KIAA1217: variants seen among roughly 807,000 people sequenced by gnomAD.
The protein encoded by KIAA1217 is KIAA1217, also known as sickle tail protein homolog.
Under a neutral mutation model 163.9 loss-of-function variants are expected in KIAA1217, and 88 were observed. The observed-to-expected ratio is 0.54, with a 90% CI of 0.45 to 0.64. The LOEUF (loss-of-function observed/expected upper bound fraction) is 0.64. KIAA1217 is among the 30% of genes least tolerant of loss of function. The probability of loss-of-function intolerance (pLI) is 0.00; values close to 1 mark genes in which losing one functional copy is unlikely to be tolerated. For synonymous variants in KIAA1217, 903 were observed against 923.1 expected (o/e 0.98, Z 0.39); for missense variants, 2,372 against 2,475.0 (o/e 0.96, Z 0.88).
At chr10:24,381,127 C>A in intron 3 of KIAA1217, 60 bp downstream of exon 3, 1 of 1,234,774 alleles carries the variant, frequency 8.1e-7, no homozygotes. Flanking sequence ...TGTTGTTATA[C>A]TACTGAACCT....
At chr10:23,890,482 A>G (rs1841370913) in intron 1 of KIAA1217, among the ~76,000 whole-genome samples, 2 of 151,890 alleles carry the variant, frequency 1.3e-5, no homozygotes, top group South Asian at 4.1e-4. Flanking sequence ...TTTCTCATTC[A>G]TCTTTGACTC....
chr10:23,816,925 AG>A (rs1378698919), intron 1 of KIAA1217, among the ~76,000 whole-genome samples: 1 of 152,214 alleles, frequency 6.6e-6, no homozygotes, highest in African/African-American at 2.4e-5. Context: ...AGTGGAAAAA[AG>A]GATGACTCTG....
chr10:24,232,317 T>C (rs1282723771), intron 2 of KIAA1217, among the ~76,000 whole-genome samples: 1 of 152,168 alleles, frequency 6.6e-6, no homozygotes, highest in Non-Finnish European at 1.5e-5. Context: ...TCATAACACA[T>C]CGCTTTTGAT....
chr10:24,269,956 C>T (rs751734399), intron 2 of KIAA1217, among the ~76,000 whole-genome samples: 3 of 152,058 alleles, frequency 2.0e-5, no homozygotes, highest in South Asian at 2.1e-4. Context: ...CCACTACCAT[C>T]ATCTGCAGCA....
At chr10:24,075,526 TA>T (rs1564670224) in intron 2 of KIAA1217, among the ~76,000 whole-genome samples, 1 of 152,190 alleles carries the variant, frequency 6.6e-6, no homozygotes, top group African/African-American at 2.4e-5. Flanking sequence ...CTGATCATTT[TA>T]TGTTTATATC....
At chr10:24,148,505 T>G (rs932553023) in intron 2 of KIAA1217, among the ~76,000 whole-genome samples, 1 of 152,180 alleles carries the variant, frequency 6.6e-6, no homozygotes, top group African/African-American at 2.4e-5. Flanking sequence ...CATGAATAGT[T>G]TGGCGCTATT....
intron 2 of KIAA1217, among the ~76,000 whole-genome samples, chr10:24,112,424 T>C (rs1178719986): frequency 1.3e-5 from 2 of 152,160 alleles, no homozygotes; most frequent in African/African-American, 4.8e-5. Context: ...TATAGCCTGG[T>C]GTCGTGGACT....
intron 9 of KIAA1217, among the ~76,000 whole-genome samples, chr10:24,503,523 G>A (rs2067940692): frequency 6.6e-6 from 1 of 152,182 alleles, no homozygotes; most frequent in African/African-American, 2.4e-5. Context: ...ATGGAGGAGA[G>A]ACCACAGTAA....
At chr10:24,421,839 T>G (rs1436378100) in intron 3 of KIAA1217, among the ~76,000 whole-genome samples, 3 of 152,226 alleles carry the variant, frequency 2.0e-5, no homozygotes, top group South Asian at 2.1e-4. Flanking sequence ...CATGATGTGT[T>G]TGTTCATATA....
In KIAA1217 at chr10:24,083,600, G is replaced by C. The variant is rs373915574; in HGVS notation, c.-171+76226G>C. Among the ~76,000 whole-genome samples the C allele has an allele frequency of 1.2e-4, 19 of 152,290 alleles. No homozygotes were observed. In the East Asian group the frequency reaches 2.9e-3, roughly 23 times the overall value. On this transcript the variant is annotated intron_variant, in intron 2 of 18. Transcript: ENST00000376462. The stretch of plus-strand genomic sequence containing the variant: ...TCTTATCTAGCACTTCTTTGCAATG[G>C]AGAAATAGCACTTTAAATTTTGGAG...
chr10:23,700,095 A>G (rs927354126), intron 1 of KIAA1217, among the ~76,000 whole-genome samples: 4 of 152,182 alleles, frequency 2.6e-5, no homozygotes, highest in African/African-American at 9.7e-5. Context: ...CTTTGCTAAC[A>G]TTACTTTATG....
chr10:24,341,867 GA>G (rs981566896), intron 2 of KIAA1217, among the ~76,000 whole-genome samples: 282 of 141,840 alleles, frequency 2.0e-3, no homozygotes, highest in African/African-American at 5.1e-3. Context: ...TGGAACTCTG[GA>G]AAAAAAAAAA....
intron 2 of KIAA1217, among the ~76,000 whole-genome samples, chr10:24,241,841 T>C (rs948856178): frequency 1.3e-5 from 2 of 152,146 alleles, no homozygotes; most frequent in Non-Finnish European, 2.9e-5. Flanking sequence ...ATTTTTCCAG[T>C]TTTTCCATGT....
At chr10:23,876,715 G>A (rs1314772675) in intron 1 of KIAA1217, among the ~76,000 whole-genome samples, 4 of 151,898 alleles carry the variant, frequency 2.6e-5, no homozygotes, top group African/African-American at 9.7e-5. Flanking sequence ...CCATCTTGCA[G>A]CAGTTGAATT....
intron 4 of KIAA1217, among the ~76,000 whole-genome samples, chr10:24,437,455 C>G (rs902051911): frequency 1.3e-5 from 2 of 152,232 alleles, no homozygotes; most frequent in African/African-American, 4.8e-5. Flanking sequence ...GGTCAGCCCA[C>G]TAAATGAGGC....
chr10:24,037,186 C>T (rs901879131), intron 2 of KIAA1217, among the ~76,000 whole-genome samples: 1 of 152,154 alleles, frequency 6.6e-6, no homozygotes, highest in Admixed American at 6.5e-5. Context: ...AAAACCCAGT[C>T]CCAGCCCAGT....
At chr10:24,325,489 C>A (rs2133396300) in intron 2 of KIAA1217, among the ~76,000 whole-genome samples, 1 of 152,216 alleles carries the variant, frequency 6.6e-6, no homozygotes, top group Non-Finnish European at 1.5e-5. Flanking sequence ...CAGATGAGGT[C>A]CAGAGAGAGT....
intron 2 of KIAA1217, among the ~76,000 whole-genome samples, chr10:24,358,563 A>T (rs2049435731): frequency 6.6e-6 from 1 of 152,100 alleles, no homozygotes; most frequent in Admixed American, 6.6e-5. Context: ...AGCTCTCATA[A>T]ATCTATTGCA....
chr10:24,267,650 T>G (rs1244321463), intron 2 of KIAA1217, among the ~76,000 whole-genome samples: 1 of 152,220 alleles, frequency 6.6e-6, no homozygotes, highest in African/African-American at 2.4e-5. Context: ...AAGAGAATGA[T>G]AGACTGCTGA....
Sources: gnomAD v4.1 joint callset for allele counts (sites outside exome capture counted in the v4.1 genomes callset) on GRCh38, gnomAD v4.1.1 for gene constraint, MANE v1.5 for transcripts, NCBI Gene and HGNC (gene_info 2026-07-23, HGNC 2026-07-21) for gene names.